Variants in ALDH7A1 observed in about 807,000 individuals in gnomAD.
ALDH7A1 encodes the protein alpha-aminoadipic semialdehyde dehydrogenase.
ALDH7A1 carries 63 observed loss-of-function variants against 79.9 expected under a neutral mutation model. The ratio of observed to expected loss-of-function variants is 0.79; its 90% CI spans 0.64 to 0.97. The LOEUF (loss-of-function observed/expected upper bound fraction) is 0.97. Ranked by LOEUF, ALDH7A1 falls within the 50% of genes least tolerant of loss-of-function variation. The probability of loss-of-function intolerance (pLI) is 0.00; values close to 1 mark genes in which losing one functional copy is unlikely to be tolerated. For missense variants in ALDH7A1, 627 were observed against 665.2 expected, an observed-to-expected ratio of 0.94 and a Z score of 0.63; for synonymous variants, 240 against 231.2, an observed-to-expected ratio of 1.04 and a Z score of -0.34.
rs368805867 is a variant in ALDH7A1 at position 126,555,893 on chromosome 5, A to T, written c.1093+38T>A. 1.6e-4 allele frequency: 246 copies of T among 1,522,688 alleles called. No homozygotes were observed. In the African/African-American group the frequency reaches 2.9e-3, roughly 18 times the overall value. The allele number at this position is 1,522,688 out of a possible 1,614,324, so 94.3% of individuals were successfully genotyped here. A position where few individuals can be genotyped will look rare whatever the true frequency, so the allele number is the denominator to read the frequency against. ...GAAACACTTGTTAACAACAGCTCTCAAAAAGGGATCGCTTTGAAAGCAGAA... is the reference window on the plus strand; with the variant it reads ...GAAACACTTGTTAACAACAGCTCTCTAAAAGGGATCGCTTTGAAAGCAGAA... On this transcript the variant is annotated intron_variant, in intron 12 of 17. Coordinates refer to ENST00000409134, the MANE Select transcript of ALDH7A1 (RefSeq NM_001182.5).
chr5:126,584,084 G>C, intron 3 of ALDH7A1, 72 bp from the exon 4 acceptor site: 1 of 1,267,072 alleles, frequency 7.9e-7, no homozygotes, highest in Non-Finnish European at 1.2e-6. Context: ...TATTGGATGT[G>C]TGCTGTAAAA....
At position 126,592,748 on chromosome 5, in the gene ALDH7A1, G is replaced by A; in HGVS notation, c.247-19C>T. On this transcript the variant is annotated intron_variant, in intron 2 of 17. Transcript: ENST00000409134. ...CACTGGCCTAAATTAAGAATTAGGGGGACAGAAAGGGGGAAATAAAGAGAA... is the reference window on the plus strand; with the variant it reads ...CACTGGCCTAAATTAAGAATTAGGGAGACAGAAAGGGGGAAATAAAGAGAA... 1.9e-6 allele frequency: 3 copies of A among 1,602,078 alleles called. No individual in the cohort carries two copies. The highest frequency in any genetic ancestry group is 1.1e-5 in the South Asian group (1 of 90,826).
intron 3 of ALDH7A1, chr5:126,592,267 C>A: frequency 4.5e-6 from 1 of 223,112 alleles, no homozygotes; most frequent in Non-Finnish European, 8.9e-6. Context: ...TGACCTATTG[C>A]TGAGATACTC....
At chr5:126,560,398 G>C (rs1274649855) in intron 10 of ALDH7A1, among the ~76,000 whole-genome samples, 1 of 152,128 alleles carries the variant, frequency 6.6e-6, no homozygotes, top group African/African-American at 2.4e-5. Context: ...TTGAACCTGG[G>C]AGGTGGAGGT....
At chr5:126,591,391 A>C (rs1419722410) in intron 3 of ALDH7A1, among the ~76,000 whole-genome samples, 4 of 152,128 alleles carry the variant, frequency 2.6e-5, no homozygotes, top group African/African-American at 9.7e-5. Flanking sequence ...GGCTGATAAA[A>C]AAAAAAAGCT....
chr5:126,550,377 TAC>T, intron 14 of ALDH7A1, 84 bp from the exon 15 acceptor site: 1 of 1,041,492 alleles, frequency 9.6e-7, no homozygotes, highest in Admixed American at 1.8e-5. Flanking sequence ...TCCTGAAGTG[TAC>T]CAGTATAATT....
chr5:126,593,643 A>G lies in ALDH7A1; in HGVS notation c.193-239T>C, dbSNP rs1236554847. ...CGCCTCTGACATCTCAATATTAGGCATATAAACAAAAGCCTTAACATAAGC... is the reference window on the plus strand; with the variant it reads ...CGCCTCTGACATCTCAATATTAGGCGTATAAACAAAAGCCTTAACATAAGC... On this transcript the variant is annotated intron_variant, in intron 1 of 17. Coordinates refer to ENST00000409134, the MANE Select transcript of ALDH7A1 (RefSeq NM_001182.5). 4 of 613,350 alleles carry G rather than the reference A, an allele frequency of 6.5e-6. No homozygotes were observed. In the South Asian group the frequency reaches 8.1e-5, roughly 12 times the overall value. The allele number at this position is 613,350 out of a possible 1,614,324, so 38.0% of individuals were successfully genotyped here. A position where few individuals can be genotyped will look rare whatever the true frequency, so the allele number is the denominator to read the frequency against.
chr5:126,570,890 T>A, intron 7 of ALDH7A1, 31 bp from the exon 8 acceptor site: 2 of 1,602,804 alleles, frequency 1.2e-6, no homozygotes, highest in Non-Finnish European at 1.7e-6. Context: ...ACTGAGGCAA[T>A]AATTTAAGGC....
At chr5:126,549,812 T>C (rs1749926562) in intron 16 of ALDH7A1, 117 bp downstream of exon 16, 1 of 959,766 alleles carries the variant, frequency 1.0e-6, no homozygotes. Context: ...TTAGATCACA[T>C]AAGGTTATTT....
chr5:126,593,274 GC>G (rs1236616755), intron 2 of ALDH7A1, 76 bp downstream of exon 2: 1 of 1,582,262 alleles, frequency 6.3e-7, no homozygotes, highest in African/African-American at 1.4e-5. Flanking sequence ...TCTAAAGAAA[GC>G]CTGCACAAAC....
intron 9 of ALDH7A1, among the ~76,000 whole-genome samples, chr5:126,563,679 C>T (rs935653410): frequency 5.3e-5 from 8 of 152,176 alleles, no homozygotes; most frequent in African/African-American, 1.7e-4. Flanking sequence ...TTAGTAGAGA[C>T]GGGGTTTTGC....
chr5:126,573,696 CAAA>C (rs1313411292), intron 7 of ALDH7A1, among the ~76,000 whole-genome samples: 1 of 105,856 alleles, frequency 9.4e-6, no homozygotes. Flanking sequence ...GACTCAGTCT[CAAA>C]AAAAAAAAAA....
At chr5:126,581,874 A>G (rs1751187539) in intron 5 of ALDH7A1, 1 of 272,924 alleles carries the variant, frequency 3.7e-6, no homozygotes, top group Non-Finnish European at 6.8e-6. Flanking sequence ...GCTACTCAGG[A>G]GTCTGAGGCA....
chr5:126,562,291 C>T, intron 9 of ALDH7A1: 1 of 151,770 alleles, frequency 6.6e-6, no homozygotes. Flanking sequence ...CAGCCTCAAC[C>T]TCCTGGGCTC....
chr5:126,554,584 C>A, intron 12 of ALDH7A1, 191 bp from the exon 13 acceptor site: 1 of 622,068 alleles, frequency 1.6e-6, no homozygotes, highest in Admixed American at 2.3e-5. Context: ...TACGTGATCT[C>A]CATCCCAATA....
At chr5:126,573,241 G>C (rs1018554466) in intron 7 of ALDH7A1, among the ~76,000 whole-genome samples, 1 of 150,884 alleles carries the variant, frequency 6.6e-6, no homozygotes, top group Admixed American at 6.6e-5. Flanking sequence ...GCTGGGTTTT[G>C]TTTTGTTTTG....
chr5:126,593,560 T>C, intron 1 of ALDH7A1, 156 bp from the exon 2 acceptor site: 2 of 1,039,744 alleles, frequency 1.9e-6, no homozygotes, highest in Non-Finnish European at 2.8e-6. Flanking sequence ...TAAACCACTC[T>C]ACAGAGGTTG....
At chr5:126,594,232 AAC>A in intron 1 of ALDH7A1, 1 of 471,130 alleles carries the variant, frequency 2.1e-6, no homozygotes, top group Non-Finnish European at 4.4e-6. Context: ...CCCAACGTAC[AAC>A]ATGGCAAGAT....
intron 9 of ALDH7A1, chr5:126,564,700 T>A: frequency 2.0e-6 from 1 of 509,924 alleles, no homozygotes; most frequent in Non-Finnish European, 3.1e-6. Flanking sequence ...ATCATTGAAT[T>A]AATGACAGCT....
Sources: allele counts gnomAD v4.1 joint callset (sites outside exome capture counted in the v4.1 genomes callset), GRCh38; gene constraint gnomAD v4.1.1; transcripts MANE v1.5; gene names NCBI Gene and HGNC (gene_info 2026-07-23, HGNC 2026-07-21).